KIF26B: variants seen among roughly 807,000 people sequenced by gnomAD.
KIF26B encodes the protein kinesin family member 26B.
KIF26B carries 63 observed loss-of-function variants against 151.2 expected under a neutral mutation model. The ratio of observed to expected loss-of-function variants is 0.42; its 90% CI spans 0.34 to 0.51. The LOEUF (loss-of-function observed/expected upper bound fraction) is 0.51, where lower values mean the gene tolerates loss of function less well. KIF26B is among the 20% of genes least tolerant of loss of function. KIF26B has a pLI of 0.07. For synonymous variants in KIF26B, 1,357 were observed against 1,262.1 expected (o/e 1.08, Z -1.59); for missense variants, 2,813 against 2,913.6 (o/e 0.97, Z 0.79).
intron 2 of KIF26B, among the ~76,000 whole-genome samples, chr1:245,207,769 C>T (rs141323006): frequency 1.3e-5 from 2 of 152,286 alleles, no homozygotes; most frequent in South Asian, 2.1e-4. Flanking sequence ...ACAGCTCCCC[C>T]CAAACACACG....
At chr1:245,685,362 T>C (rs1170691140) in intron 11 of KIF26B, 43 bp from the exon 12 acceptor site, 1 of 1,501,524 alleles carries the variant, frequency 6.7e-7, no homozygotes, top group Admixed American at 1.9e-5. Context: ...CCGGGGAAAC[T>C]GCCACGGAAA....
chr1:245,197,826 A>G (rs1669221685), intron 2 of KIF26B, among the ~76,000 whole-genome samples: 1 of 152,214 alleles, frequency 6.6e-6, no homozygotes, highest in African/African-American at 2.4e-5. Context: ...ACAACTAGGC[A>G]CAGTTTCACC....
At chr1:245,396,574 T>G (rs1673848435) in intron 3 of KIF26B, among the ~76,000 whole-genome samples, 1 of 151,610 alleles carries the variant, frequency 6.6e-6, no homozygotes, top group South Asian at 2.1e-4. Context: ...AGACAGAGGT[T>G]GCAGTGAGCT....
At chr1:245,551,745 T>C (rs1046571533) in intron 5 of KIF26B, among the ~76,000 whole-genome samples, 2 of 152,108 alleles carry the variant, frequency 1.3e-5, no homozygotes, top group Non-Finnish European at 2.9e-5. Context: ...GCTCCCAGGG[T>C]GGATCTGCAC....
intron 4 of KIF26B, among the ~76,000 whole-genome samples, chr1:245,472,601 C>T (rs1047621179): frequency 5.9e-5 from 9 of 152,182 alleles, no homozygotes; most frequent in African/African-American, 1.4e-4. Context: ...GATCTTCAAC[C>T]GGTATGCTAA....
intron 2 of KIF26B, among the ~76,000 whole-genome samples, chr1:245,217,031 AG>A (rs1393553019): frequency 6.6e-6 from 1 of 152,198 alleles, no homozygotes; most frequent in Non-Finnish European, 1.5e-5. Context: ...CCAGCCTCAG[AG>A]GCATCCCGCC....
At chr1:245,519,750 C>A (rs974974713) in intron 4 of KIF26B, among the ~76,000 whole-genome samples, 1 of 152,000 alleles carries the variant, frequency 6.6e-6, no homozygotes, top group African/African-American at 2.4e-5. Context: ...AATAGTGTAG[C>A]CATTTGTAAC....
chr1:245,591,771 T>G (rs2043291138), intron 5 of KIF26B, among the ~76,000 whole-genome samples: 1 of 152,142 alleles, frequency 6.6e-6, no homozygotes, highest in South Asian at 2.1e-4. Context: ...CCCTTCTAAC[T>G]AGGCCACCGT....
Position 245,698,277 on chromosome 1 carries a change from G to T in KIF26B, c.5996G>T (p.Arg1999Leu). 1 of 1,613,640 alleles carries T rather than the reference G, an allele frequency of 6.2e-7. No individual in the cohort carries two copies. The highest frequency in any genetic ancestry group is 8.5e-7 in the Non-Finnish European group (1 of 1,179,790). The stretch of plus-strand genomic sequence containing the variant: ...GTCTATGAAATCGATGACGTGGAGC[G>T]CCTGCAGCGGCGACGAGGGGGTGCC... ...IKVYEIDDVE[R>L]LQRRRGGASK... The change falls in exon 13 of 15, where the codon CGC becomes CTC. Residue 1999 changes from arginine (R) to leucine (L), a missense_variant. By Grantham distance (102) the Arg-to-Leu change is moderately radical. This residue lies in a region of KIF26B where 2,060 missense variants were observed against 2,088.6 expected (regional missense o/e 0.99). Transcript: ENST00000407071. This position sits in a 1 kb window ranked among gnomAD's most constrained non-coding sequence, Gnocchi z 4.0.
intron 2 of KIF26B, among the ~76,000 whole-genome samples, chr1:245,353,363 C>T (rs112746211): frequency 9.8e-4 from 149 of 152,310 alleles, no homozygotes; most frequent in African/African-American, 3.0e-3. Flanking sequence ...GATGTTCTGC[C>T]GGCTCTCCCT....
At chr1:245,222,812 TATA>T (rs1442851063) in intron 2 of KIF26B, among the ~76,000 whole-genome samples, 1 of 152,212 alleles carries the variant, frequency 6.6e-6, no homozygotes, top group Non-Finnish European at 1.5e-5. Context: ...AACTTTACAA[TATA>T]ATATTAAGTG....
intron 14 of KIF26B, among the ~76,000 whole-genome samples, chr1:245,700,834 C>T (rs2044761046): frequency 6.6e-6 from 1 of 152,188 alleles, no homozygotes; most frequent in South Asian, 2.1e-4. Context: ...GACATGCGCA[C>T]GGGGCGCTGT....
chr1:245,395,754 C>T (rs1455349945), intron 3 of KIF26B, among the ~76,000 whole-genome samples: 4 of 152,162 alleles, frequency 2.6e-5, no homozygotes, highest in Admixed American at 6.5e-5. Flanking sequence ...TCAGCCTACC[C>T]GTATGACATT....
At chr1:245,497,893 G>GCTCA (rs1660544190) in intron 4 of KIF26B, among the ~76,000 whole-genome samples, 2 of 152,162 alleles carry the variant, frequency 1.3e-5, no homozygotes, top group African/African-American at 4.8e-5. Context: ...ACAGGCATGT[G>GCTCA]CCACCACACC....
chr1:245,158,381 T>C (rs1055486418), intron 2 of KIF26B, among the ~76,000 whole-genome samples: 1 of 152,234 alleles, frequency 6.6e-6, no homozygotes, highest in Non-Finnish European at 1.5e-5. Context: ...CCAGCTGGAA[T>C]CTTGTTTTTA....
Position 245,370,324 on chromosome 1 carries a change from T to G in KIF26B, c.999+2957T>G, listed in dbSNP as rs143263329. Among the ~76,000 whole-genome samples the G allele has an allele frequency of 6.0e-3, 912 of 152,214 alleles. 9 individuals carry two copies. The highest frequency in any genetic ancestry group is 0.021 in the African/African-American group (878 of 41,552). On this transcript the variant is annotated intron_variant, in intron 3 of 14. Coordinates refer to ENST00000407071, the MANE Select transcript of KIF26B (RefSeq NM_018012.4). ...ATGAATATTTTCCACGCTATGGAGA[T>G]GTCCTCATTTATTAGGTTGGTGCAA...
intron 2 of KIF26B, among the ~76,000 whole-genome samples, chr1:245,280,672 T>C (rs1379135065): frequency 7.4e-6 from 1 of 135,760 alleles, no homozygotes; most frequent in African/African-American, 2.9e-5. Context: ...GTTACATATG[T>C]ATACATGTGC....
At chr1:245,671,624 C>T (rs1375674151) in intron 10 of KIF26B, among the ~76,000 whole-genome samples, 1 of 152,176 alleles carries the variant, frequency 6.6e-6, no homozygotes, top group Non-Finnish European at 1.5e-5. Context: ...TACAATAGGA[C>T]ATTTTATGTA....
chr1:245,686,303 C>T lies in KIF26B; in HGVS notation c.3320C>T (p.Ser1107Leu), dbSNP rs369400379. 2.3e-4 allele frequency: 373 copies of T among 1,613,082 alleles called. No homozygotes were observed. Among genetic ancestry groups the T allele is most frequent in the Middle Eastern group, 1.6e-3 (10 of 6,062 alleles). Residue 1107 changes from serine (S) to leucine (L), a missense_variant, in exon 12 of 15, where the codon TCG (serine) becomes TTG (leucine). Around this residue, in one of 3 missense-constraint regions of KIF26B, gnomAD observed 2,060 missense variants for 2,088.6 expected, o/e 0.99. Coordinates refer to ENST00000407071, the MANE Select transcript of KIF26B (RefSeq NM_018012.4). This position sits in a 1 kb window ranked among gnomAD's most constrained non-coding sequence, Gnocchi z 5.6. ...VLPSPAPLPP[S>L]SKDSGVASRE... ...CCGTCTCCCGCCCCACTGCCTCCCT[C>T]GAGCAAGGATTCCGGCGTGGCGTCT...
Sources: gnomAD v4.1 joint callset for allele counts (sites outside exome capture counted in the v4.1 genomes callset) on GRCh38, gnomAD v4.1.1 for gene constraint, gnomAD v4.1.1 regional missense constraint, Gnocchi (gnomAD v3.1) non-coding constraint, MANE v1.5 for transcripts, NCBI Gene and HGNC (gene_info 2026-07-23, HGNC 2026-07-21) for gene names.